The following PRKG1 variants were observed in gnomAD, a reference collection of about 807,000 sequenced individuals.
PRKG1 encodes the protein protein kinase cGMP-dependent 1.
A neutral mutation model predicts 88.1 loss-of-function variants in PRKG1; 35 were observed. That is an observed-to-expected ratio of 0.40 (90% CI 0.30 to 0.53). The LOEUF is 0.53. Among genes scored for constraint, PRKG1 ranks in the 20% least tolerant of loss-of-function variants. The pLI is 0.59. For synonymous variants in PRKG1, 303 were observed against 292.5 expected, an observed-to-expected ratio of 1.04 and a Z score of -0.37; for missense variants, 540 against 839.8, an observed-to-expected ratio of 0.64 and a Z score of 4.41.
chr10:51,321,803 G>C (rs754405578), intron 2 of PRKG1, among the ~76,000 whole-genome samples: 1 of 151,994 alleles, frequency 6.6e-6, no homozygotes, highest in Non-Finnish European at 1.5e-5. Flanking sequence ...TGAGGTGATG[G>C]ACACCCTACT....
chr10:51,417,078 G>A (rs1239969877), intron 2 of PRKG1, among the ~76,000 whole-genome samples: 1 of 151,990 alleles, frequency 6.6e-6, no homozygotes, highest in Non-Finnish European at 1.5e-5. Flanking sequence ...TACATATTAT[G>A]TTTCTTAACA....
chr10:51,256,626 T>G (rs1025882508), intron 2 of PRKG1, among the ~76,000 whole-genome samples: 2 of 152,146 alleles, frequency 1.3e-5, no homozygotes, highest in African/African-American at 4.8e-5. Flanking sequence ...AAACTTGGAC[T>G]GGGAATTGAA....
intron 5 of PRKG1, among the ~76,000 whole-genome samples, chr10:51,994,093 C>G (rs556568714): frequency 1.3e-5 from 2 of 152,308 alleles, no homozygotes; most frequent in African/African-American, 4.8e-5. Flanking sequence ...ACACAATTCT[C>G]AGTCTCTTCC....
chr10:51,011,764 T>C (rs1246846576), intron 1 of PRKG1, among the ~76,000 whole-genome samples: 1 of 152,232 alleles, frequency 6.6e-6, no homozygotes, highest in Non-Finnish European at 1.5e-5. Flanking sequence ...GTGGTTACTT[T>C]AACAGGGACA....
At chr10:51,850,579 G>GC (rs1316853238) in intron 4 of PRKG1, among the ~76,000 whole-genome samples, 1 of 151,602 alleles carries the variant, frequency 6.6e-6, no homozygotes, top group South Asian at 2.1e-4. Context: ...ATAAACTGAG[G>GC]GAAAACATTT....
At chr10:51,541,235 A>T (rs1339986633) in intron 3 of PRKG1, among the ~76,000 whole-genome samples, 3 of 152,164 alleles carry the variant, frequency 2.0e-5, no homozygotes, top group Admixed American at 6.6e-5. Flanking sequence ...AGTTCACAAC[A>T]GGGTTCGCGC....
chr10:51,399,019 C>T (rs1837656885), intron 2 of PRKG1, among the ~76,000 whole-genome samples: 1 of 152,124 alleles, frequency 6.6e-6, no homozygotes, highest in African/African-American at 2.4e-5. Flanking sequence ...CAGTCCTGGG[C>T]CTCCAGCTTG....
chr10:51,506,604 A>G (rs1564526977), intron 3 of PRKG1, among the ~76,000 whole-genome samples: 2 of 152,222 alleles, frequency 1.3e-5, no homozygotes, highest in Non-Finnish European at 2.9e-5. Context: ...ACAGTGAGAT[A>G]CCATCTCACA....
intron 9 of PRKG1, among the ~76,000 whole-genome samples, chr10:52,233,810 C>G (rs906204316): frequency 2.2e-4 from 33 of 152,194 alleles, no homozygotes; most frequent in African/African-American, 7.5e-4. Flanking sequence ...GTGGAGCCCA[C>G]CACAGCTCCA....
intron 1 of PRKG1, among the ~76,000 whole-genome samples, chr10:51,031,939 T>A (rs751700460): frequency 2.3e-4 from 35 of 152,240 alleles, no homozygotes; most frequent in Non-Finnish European, 4.4e-4. Flanking sequence ...TAAAGAAATG[T>A]TAAGCCTATT....
chr10:52,003,149 C>T (rs1468308984), intron 5 of PRKG1, among the ~76,000 whole-genome samples: 1 of 152,174 alleles, frequency 6.6e-6, no homozygotes, highest in African/African-American at 2.4e-5. Flanking sequence ...ACACTGTGTA[C>T]TGAGTGAAGG....
chr10:51,809,715 A>G (rs56994157), intron 4 of PRKG1, among the ~76,000 whole-genome samples: 5,915 of 152,242 alleles, frequency 0.039, 350 homozygotes, highest in African/African-American at 0.13. Context: ...GATCCTGTTC[A>G]CCCTCAGAAA....
intron 10 of PRKG1, among the ~76,000 whole-genome samples, chr10:52,270,063 C>A (rs192504283): frequency 7.2e-5 from 11 of 152,156 alleles, no homozygotes; most frequent in African/African-American, 2.4e-4. Flanking sequence ...CTGAAAAAAT[C>A]TTGTTACAAT....
chr10:51,126,574 A>T (rs895947360), intron 1 of PRKG1, among the ~76,000 whole-genome samples: 11 of 150,454 alleles, frequency 7.3e-5, no homozygotes, highest in Non-Finnish European at 1.5e-4. Flanking sequence ...TGCTATTCCC[A>T]TTAAACTACC....
At chr10:52,144,796 G>A (rs1397264265) in intron 8 of PRKG1, among the ~76,000 whole-genome samples, 2 of 152,036 alleles carry the variant, frequency 1.3e-5, no homozygotes, top group Non-Finnish European at 2.9e-5. Context: ...CACCCTGGGC[G>A]ACCGAGCAGA....
chr10:51,506,650 C>G (rs111803234), intron 3 of PRKG1, among the ~76,000 whole-genome samples: 130 of 152,248 alleles, frequency 8.5e-4, no homozygotes, highest in African/African-American at 3.0e-3. Context: ...AGTCAGGAAA[C>G]AACAGGTGCT....
intron 8 of PRKG1, among the ~76,000 whole-genome samples, chr10:52,137,378 G>A (rs977056405): frequency 5.3e-5 from 8 of 151,972 alleles, no homozygotes; most frequent in Non-Finnish European, 1.0e-4. Flanking sequence ...AAGAATATTA[G>A]TCTAACAGAA....
At chr10:51,314,831 C>T (rs1841279297) in intron 2 of PRKG1, among the ~76,000 whole-genome samples, 1 of 152,250 alleles carries the variant, frequency 6.6e-6, no homozygotes, top group Non-Finnish European at 1.5e-5. Flanking sequence ...TCGGAAAAGG[C>T]CATTTAAGTT....
intron 8 of PRKG1, among the ~76,000 whole-genome samples, chr10:52,154,428 G>A (rs555102859): frequency 6.6e-6 from 1 of 152,118 alleles, no homozygotes; most frequent in African/African-American, 2.4e-5. Flanking sequence ...TTACAGACTA[G>A]CAACAAATAG....
Sources: allele counts gnomAD v4.1 joint callset (sites outside exome capture counted in the v4.1 genomes callset), GRCh38; gene constraint gnomAD v4.1.1; transcripts MANE v1.5; gene names NCBI Gene and HGNC (gene_info 2026-07-23, HGNC 2026-07-21).